RIMS2: variants seen among roughly 807,000 people sequenced by gnomAD.
RIMS2 encodes regulating synaptic membrane exocytosis protein 2.
In RIMS2, 59 loss-of-function variants were observed where a neutral mutation model predicts 174.4. The ratio of observed to expected loss-of-function variants is 0.34; its 90% CI spans 0.27 to 0.42. The LOEUF (loss-of-function observed/expected upper bound fraction) is 0.42. Among genes scored for constraint, RIMS2 ranks in the 10% least tolerant of loss-of-function variants. RIMS2 has a pLI of 1.00. For synonymous variants in RIMS2, 606 were observed against 572.5 expected, an observed-to-expected ratio of 1.06 and a Z score of -0.84; for missense variants, 1,620 against 1,666.3, an observed-to-expected ratio of 0.97 and a Z score of 0.48.
intron 1 of RIMS2, among the ~76,000 whole-genome samples, chr8:103,612,388 T>G (rs988920229): frequency 6.6e-6 from 1 of 152,174 alleles, no homozygotes; most frequent in Admixed American, 6.5e-5. Flanking sequence ...TAGGTATTTA[T>G]TGTAGTCTTC....
intron 2 of RIMS2, among the ~76,000 whole-genome samples, chr8:103,748,051 C>T (rs533038640): frequency 1.1e-4 from 17 of 152,152 alleles, no homozygotes; most frequent in African/African-American, 3.1e-4. Context: ...AAGCACATTT[C>T]GCAAAGGGAA....
At chr8:103,592,876 A>G (rs1159881110) in intron 1 of RIMS2, among the ~76,000 whole-genome samples, 3 of 151,422 alleles carry the variant, frequency 2.0e-5, no homozygotes, top group African/African-American at 7.2e-5. Context: ...CATTGTTTTA[A>G]TATCCCGTGT....
chr8:103,610,364 T>A (rs536142432), intron 1 of RIMS2, among the ~76,000 whole-genome samples: 1 of 152,198 alleles, frequency 6.6e-6, no homozygotes, highest in East Asian at 1.9e-4. Context: ...CTTCCAATAC[T>A]TTGTTGAATA....
At chr8:103,875,165 A>G (rs1176321108) in intron 3 of RIMS2, among the ~76,000 whole-genome samples, 3 of 151,990 alleles carry the variant, frequency 2.0e-5, no homozygotes, top group Non-Finnish European at 4.4e-5. Flanking sequence ...TTTTGGTGAC[A>G]TGGATGAATT....
intron 19 of RIMS2, among the ~76,000 whole-genome samples, chr8:104,039,012 C>T (rs1346180969): frequency 1.3e-5 from 2 of 151,144 alleles, no homozygotes; most frequent in Non-Finnish European, 3.0e-5. Context: ...TTTTCATCAC[C>T]TTATTAATCA....
At chr8:103,816,659 G>A (rs532329982) in intron 3 of RIMS2, among the ~76,000 whole-genome samples, 1 of 152,260 alleles carries the variant, frequency 6.6e-6, no homozygotes, top group East Asian at 1.9e-4. Flanking sequence ...GGGTGGTAAT[G>A]GAGAGGGAAG....
At chr8:103,667,201 A>T (rs940774915) in intron 1 of RIMS2, among the ~76,000 whole-genome samples, 4 of 152,212 alleles carry the variant, frequency 2.6e-5, no homozygotes, top group African/African-American at 7.2e-5. Flanking sequence ...TACATAATGT[A>T]TGTGTCATGT....
At chr8:103,734,538 G>A (rs534408679) in intron 2 of RIMS2, among the ~76,000 whole-genome samples, 4 of 150,522 alleles carry the variant, frequency 2.7e-5, no homozygotes, top group Non-Finnish European at 5.9e-5. Flanking sequence ...TGTTTCTCAG[G>A]TGAAATAGTA....
chr8:103,503,814 A>G (rs528735433), intron 1 of RIMS2, among the ~76,000 whole-genome samples: 176 of 152,164 alleles, frequency 1.2e-3, no homozygotes, highest in African/African-American at 4.1e-3. Flanking sequence ...ATAATTTTAA[A>G]TATGCATGTA....
intron 19 of RIMS2, among the ~76,000 whole-genome samples, chr8:104,113,299 T>C (rs1288116339): frequency 2.0e-5 from 3 of 152,146 alleles, no homozygotes; most frequent in African/African-American, 7.2e-5. Flanking sequence ...TCTAACGCTA[T>C]ACGATATCAC....
chr8:103,994,573 A>G (rs1222459840), intron 17 of RIMS2, among the ~76,000 whole-genome samples: 2 of 152,290 alleles, frequency 1.3e-5, no homozygotes, highest in Non-Finnish European at 2.9e-5. Context: ...AAAAGTAAGC[A>G]TGGTTCAGTG....
chr8:104,244,614 A>G (rs2099320474), intron 19 of RIMS2, among the ~76,000 whole-genome samples: 1 of 152,192 alleles, frequency 6.6e-6, no homozygotes, highest in Admixed American at 6.5e-5. Context: ...CAATGAAAAT[A>G]AGGCTTATTT....
chr8:103,653,777 G>A (rs2135903010), intron 1 of RIMS2, among the ~76,000 whole-genome samples: 1 of 152,142 alleles, frequency 6.6e-6, no homozygotes, highest in Non-Finnish European at 1.5e-5. Context: ...GTAAAAGTAT[G>A]ATATGTACTC....
At chr8:103,684,536 CTTTTTTTATTTTATTTTATTTTATT>C (rs2096916937) in intron 1 of RIMS2, among the ~76,000 whole-genome samples, 1 of 138,006 alleles carries the variant, frequency 7.2e-6, no homozygotes, top group Non-Finnish European at 1.7e-5. Flanking sequence ...CTGGTTCATA[CTTTTTTTATTTTATTTTATTTTATT>C]TTATTTTATT....
intron 1 of RIMS2, among the ~76,000 whole-genome samples, chr8:103,639,135 T>C (rs906056964): frequency 6.6e-6 from 1 of 151,960 alleles, no homozygotes; most frequent in African/African-American, 2.4e-5. Context: ...GTACAATGCT[T>C]ATGTATTGTT....
intron 1 of RIMS2, among the ~76,000 whole-genome samples, chr8:103,692,552 C>A (rs946979330): frequency 6.6e-6 from 1 of 152,240 alleles, no homozygotes; most frequent in Admixed American, 6.5e-5. Context: ...GCAAGTACTG[C>A]CTGGGCATTC....
intron 19 of RIMS2, among the ~76,000 whole-genome samples, chr8:104,088,458 C>T (rs1290284023): frequency 6.6e-6 from 1 of 151,996 alleles, no homozygotes; most frequent in Admixed American, 6.6e-5. Context: ...TTCCCCGCTC[C>T]TATCTTTTGA....
chr8:104,245,019 T>C, exon 20 of RIMS2: 1 of 1,613,914 alleles, frequency 6.2e-7, no homozygotes, highest in Non-Finnish European at 8.5e-7. Flanking sequence ...GCCGAGAGTC[T>C]ACAGATGGTA....
rs114131544 is a variant in RIMS2, at chr8:104,003,168, G to A, written c.3045-10274G>A. ...AAGGAACTACTAACATCTATGGTGG[G>A]CAGCTAGATTTTTATGTAAAGTATC... On this transcript the variant is annotated intron_variant, in intron 17 of 23. Coordinates refer to ENST00000504942, the Ensembl canonical transcript of RIMS2. Among the ~76,000 whole-genome samples, 1,321 of 152,154 alleles carry A rather than the reference G, an allele frequency of 8.7e-3. 20 individuals are homozygous for A. Among genetic ancestry groups the A allele is most frequent in the African/African-American group, 0.03 (1,245 of 41,496 alleles).
Sources: gnomAD v4.1 joint callset for allele counts (sites outside exome capture counted in the v4.1 genomes callset) on GRCh38, gnomAD v4.1.1 for gene constraint, MANE v1.5 for transcripts, NCBI Gene and HGNC (gene_info 2026-07-23, HGNC 2026-07-21) for gene names.